Variants in ZDHHC5 observed in about 807,000 individuals in gnomAD.
ZDHHC5 encodes palmitoyltransferase ZDHHC5.
Under a neutral mutation model 70.0 loss-of-function variants are expected in ZDHHC5, and 22 were observed. The observed-to-expected ratio is 0.31, with a 90% confidence interval of 0.22 to 0.45. ZDHHC5 has a LOEUF of 0.45. ZDHHC5 is among the 20% of genes least tolerant of loss of function. The pLI is 1.00. For missense variants in ZDHHC5, 746 were observed against 926.9 expected, an observed-to-expected ratio of 0.80 and a Z score of 2.53; for synonymous variants, 313 against 347.8, an observed-to-expected ratio of 0.90 and a Z score of 1.11.
chr11:57,681,435 TTATC>T (rs1451439782), intron 2 of ZDHHC5: 2 of 152,208 alleles, frequency 1.3e-5, no homozygotes, highest in East Asian at 3.8e-4. Flanking sequence ...ATTAGAGTAT[TTATC>T]CACTGTCTTG....
At position 57,699,965 on chromosome 11, in the gene ZDHHC5, C is replaced by T. The variant is rs1946419175; in HGVS notation, c.2082C>T (p.Ser694=). The T allele has an allele frequency of 6.2e-7, 1 of 1,613,854 alleles. No homozygotes were observed. The highest frequency in any genetic ancestry group is 1.3e-5 in the African/African-American group (1 of 75,062). Reference sequence around the variant, plus strand: ...GCCCAGGCCAGCCACCTCTCAGTAGCCCCACGAGGGGAGGAGTCAAGAAGG... The same window carrying T: ...GCCCAGGCCAGCCACCTCTCAGTAGTCCCACGAGGGGAGGAGTCAAGAAGG... ...SPGPGQPPLS[S]PTRGGVKKVS... is the part of the protein sequence containing the mutation. Residue 694 remains serine, a synonymous_variant, in exon 12 of 12, where the codon AGC becomes AGT. Transcript: ENST00000287169.
At position 57,693,916 on chromosome 11, in the gene ZDHHC5, G is replaced by C; in HGVS notation, c.885+1G>C. 1 of 1,609,804 alleles carries C rather than the reference G, an allele frequency of 6.2e-7. No homozygotes were observed. On this transcript the variant is annotated splice_donor_variant, in intron 8 of 11. Transcript: ENST00000287169. LOFTEE classifies it high-confidence loss of function. ...CCAGGGAGAGCTGAGGAGAACAAAG[G>C]TGAGGAATTTAGAGAAGTCAAGCTA...
intron 3 of ZDHHC5, among the ~76,000 whole-genome samples, chr11:57,687,299 G>A (rs1233059616): frequency 2.6e-5 from 4 of 151,040 alleles, no homozygotes; most frequent in Non-Finnish European, 2.9e-5. Flanking sequence ...CTCTGGGTGC[G>A]GTGGCCCATG....
intron 10 of ZDHHC5, among the ~76,000 whole-genome samples, chr11:57,697,478 A>G (rs1946367811): frequency 6.7e-6 from 1 of 150,372 alleles, no homozygotes; most frequent in East Asian, 2.0e-4. Flanking sequence ...AAAAATAAAT[A>G]AATAAATACA....
rs769020656 is a variant in ZDHHC5, at chr11:57,698,963, A to G, written c.1527A>G (p.Gln509=). Residue 509 remains glutamine (Q), a synonymous_variant, in exon 11 of 12, where the codon CAA becomes CAG. Coordinates refer to ENST00000287169, the MANE Select transcript of ZDHHC5 (RefSeq NM_015457.3). ...TCCTGTCAGCCAGGCTGGCCCAGCA[A>G]CGGGAAGCTGAGAGGCACCCACGTT... ...SPFLSARLAQ[Q]REAERHPRLV... 14 of 1,613,014 alleles carry G rather than the reference A, an allele frequency of 8.7e-6. No individual in the cohort carries two copies. Among genetic ancestry groups the G allele is most frequent in the Admixed American group, 5.0e-5 (3 of 60,032 alleles).
chr11:57,698,762 G>A lies in ZDHHC5; in HGVS notation c.1326G>A (p.Gln442=), dbSNP rs753873266. ...SAQGTGFELG[Q]LQSIRSEGTT... is the part of the protein sequence containing the mutation. ...AGGGCACAGGCTTTGAGCTGGGCCA[G>A]TTGCAATCCATTCGTTCAGAGGGCA... Residue 442 remains glutamine, a synonymous_variant, in exon 11 of 12, where the codon CAG becomes CAA. Transcript: ENST00000287169. 1 of 1,614,194 alleles carries A rather than the reference G, an allele frequency of 6.2e-7. No individual in the cohort carries two copies. The highest frequency in any genetic ancestry group is 1.1e-5 in the South Asian group (1 of 91,080).
chr11:57,698,908 C>T lies in ZDHHC5; in HGVS notation c.1472C>T (p.Pro491Leu). The stretch of plus-strand genomic sequence containing the variant: ...GAGTCAGTGCAGGCAGGGCCTGAGC[C>T]AGACCCACCTTTAGGCTATACCTCT... ...DFESVQAGPE[P>L]DPPLGYTSPF... The change falls in exon 11 of 12, where the codon CCA becomes CTA. Residue 491 changes from proline (P) to leucine (L), a missense_variant. This residue lies in a region of ZDHHC5 where 340 missense variants were observed against 350.1 expected (regional missense o/e 0.97). Coordinates refer to ENST00000287169, the MANE Select transcript of ZDHHC5 (RefSeq NM_015457.3). 2.5e-6 allele frequency: 4 copies of T among 1,614,210 alleles called. No individual in the cohort carries two copies. The highest frequency in any genetic ancestry group is 2.5e-6 in the Non-Finnish European group (3 of 1,180,030).
chr11:57,696,223 TG>T (rs1408987111), intron 9 of ZDHHC5, among the ~76,000 whole-genome samples, 180 bp downstream of exon 9: 2 of 152,212 alleles, frequency 1.3e-5, no homozygotes, highest in African/African-American at 2.4e-5. Context: ...ATTTAGCTAT[TG>T]GCAGTGAATG....
chr11:57,692,356 T>G (rs1320583395), intron 6 of ZDHHC5, among the ~76,000 whole-genome samples: 1 of 152,156 alleles, frequency 6.6e-6, no homozygotes, highest in Admixed American at 6.5e-5. Flanking sequence ...TTTTCAATAT[T>G]TAGAAAGCTA....
At chr11:57,679,433 G>A (rs942422489) in intron 2 of ZDHHC5, among the ~76,000 whole-genome samples, 2 of 152,118 alleles carry the variant, frequency 1.3e-5, no homozygotes, top group Non-Finnish European at 2.9e-5. Context: ...GAGTGCTAGG[G>A]TTACAGGCGT....
At chr11:57,689,275 A>G (rs563412460) in intron 4 of ZDHHC5, among the ~76,000 whole-genome samples, 1 of 152,226 alleles carries the variant, frequency 6.6e-6, no homozygotes, top group South Asian at 2.1e-4. Flanking sequence ...TTTCTTATGA[A>G]TCTTGATGTT....
intron 10 of ZDHHC5, 82 bp downstream of exon 10, chr11:57,696,955 G>T: frequency 1.4e-6 from 2 of 1,411,414 alleles, no homozygotes; most frequent in African/African-American, 1.4e-5. Flanking sequence ...CCAGCACTTT[G>T]GGAGCCCAAG....
chr11:57,676,810 TA>T (rs1946076934), intron 2 of ZDHHC5, among the ~76,000 whole-genome samples: 1 of 152,084 alleles, frequency 6.6e-6, no homozygotes, highest in South Asian at 2.1e-4. Flanking sequence ...GTATCTTGTT[TA>T]AAGTCTCATC....
At chr11:57,694,117 G>A (rs1355663674) in intron 8 of ZDHHC5, among the ~76,000 whole-genome samples, 4 of 150,452 alleles carry the variant, frequency 2.7e-5, no homozygotes, top group African/African-American at 4.9e-5. Context: ...TCAGCCTCCC[G>A]AGTAGCTGGG....
intron 8 of ZDHHC5, 94 bp downstream of exon 8, chr11:57,694,009 T>A: frequency 6.9e-7 from 1 of 1,444,252 alleles, no homozygotes; most frequent in Non-Finnish European, 9.1e-7. Context: ...GTGTTTTTTT[T>A]TTTTTTTTTG....
chr11:57,697,899 T>G (rs1432211182), intron 10 of ZDHHC5, among the ~76,000 whole-genome samples: 1 of 149,202 alleles, frequency 6.7e-6, no homozygotes, highest in Non-Finnish European at 1.5e-5. Context: ...TTGGGGAGGC[T>G]GAGGCAGACG....
intron 8 of ZDHHC5, among the ~76,000 whole-genome samples, chr11:57,694,239 A>C (rs1157814934): frequency 6.6e-6 from 1 of 151,826 alleles, no homozygotes; most frequent in African/African-American, 2.4e-5. Context: ...TGATCTGCCC[A>C]CCTCGGCCTC....
intron 2 of ZDHHC5, 72 bp from the exon 3 acceptor site, chr11:57,682,350 C>T: frequency 6.5e-7 from 1 of 1,528,860 alleles, no homozygotes; most frequent in Non-Finnish European, 8.8e-7. Context: ...TAAGTCTTTA[C>T]AGATTTTTGT....
chr11:57,695,872 A>T (rs1402172399), intron 8 of ZDHHC5, 48 bp from the exon 9 acceptor site: 2 of 1,598,148 alleles, frequency 1.3e-6, no homozygotes, highest in Admixed American at 3.5e-5. Context: ...TTGAGTTGCC[A>T]TAATGCTCAA....
Sources: allele counts gnomAD v4.1 joint callset (sites outside exome capture counted in the v4.1 genomes callset), GRCh38; gene constraint gnomAD v4.1.1; regional missense constraint gnomAD v4.1.1; transcripts MANE v1.5; gene names NCBI Gene and HGNC (gene_info 2026-07-23, HGNC 2026-07-21).